The following DPP10 variants were observed in gnomAD, a reference collection of about 807,000 sequenced individuals.
The protein encoded by DPP10 is inactive dipeptidyl peptidase 10.
DPP10 carries 33 observed loss-of-function variants against 120.9 expected under a neutral mutation model. That is an observed-to-expected ratio of 0.27 (90% CI 0.21 to 0.37). DPP10 has a LOEUF of 0.37. DPP10 is among the 10% of genes least tolerant of loss of function. The probability of loss-of-function intolerance (pLI) is 1.00; values close to 1 mark genes in which losing one functional copy is unlikely to be tolerated. For synonymous variants in DPP10, 337 were observed against 326.1 expected, an observed-to-expected ratio of 1.03 and a Z score of -0.36; for missense variants, 816 against 942.8, an observed-to-expected ratio of 0.87 and a Z score of 1.76.
chr2:115,041,926 G>A (rs1473173926), intron 1 of DPP10, among the ~76,000 whole-genome samples: 1 of 151,416 alleles, frequency 6.6e-6, no homozygotes, highest in African/African-American at 2.4e-5. Flanking sequence ...CCATTCTGTT[G>A]GTTGTTGGTT....
chr2:115,833,105 G>A (rs1424314006), intron 21 of DPP10, among the ~76,000 whole-genome samples: 1 of 152,046 alleles, frequency 6.6e-6, no homozygotes, highest in African/African-American at 2.4e-5. Context: ...CTGATTCCTA[G>A]AGATAATCAG....
intron 1 of DPP10, among the ~76,000 whole-genome samples, chr2:114,548,738 C>T (rs2104854261): frequency 6.6e-6 from 1 of 152,282 alleles, no homozygotes; most frequent in East Asian, 1.9e-4. Flanking sequence ...GGGCAGTAAC[C>T]TCCAACAGGT....
chr2:114,832,137 C>T (rs1687190744), intron 1 of DPP10, among the ~76,000 whole-genome samples: 1 of 152,034 alleles, frequency 6.6e-6, no homozygotes, highest in Non-Finnish European at 1.5e-5. Flanking sequence ...CATAAAATAT[C>T]TTGAAATAAC....
At chr2:114,542,251 T>A (rs529536045) in intron 1 of DPP10, among the ~76,000 whole-genome samples, 1 of 152,134 alleles carries the variant, frequency 6.6e-6, no homozygotes, top group African/African-American at 2.4e-5. Context: ...TTTCACCATG[T>A]TGGCCAGGCT....
intron 1 of DPP10, among the ~76,000 whole-genome samples, chr2:115,102,792 G>T (rs1242128231): frequency 6.7e-6 from 1 of 150,274 alleles, no homozygotes; most frequent in African/African-American, 2.4e-5. Flanking sequence ...TTTTGCAGCC[G>T]CAGCCACCAT....
chr2:115,778,473 CCTCA>C (rs1682387579), intron 15 of DPP10, among the ~76,000 whole-genome samples: 2 of 152,094 alleles, frequency 1.3e-5, no homozygotes, highest in Non-Finnish European at 2.9e-5. Flanking sequence ...TAAAATGTCT[CCTCA>C]CTCAGAGAGC....
At chr2:115,539,280 T>C (rs1047474077) in intron 5 of DPP10, among the ~76,000 whole-genome samples, 13 of 152,088 alleles carry the variant, frequency 8.5e-5, no homozygotes, top group African/African-American at 2.9e-4. Flanking sequence ...TGGAGGGCTA[T>C]CACAGAGAAA....
chr2:115,361,916 C>T (rs2064794957), intron 3 of DPP10, among the ~76,000 whole-genome samples: 1 of 151,850 alleles, frequency 6.6e-6, no homozygotes, highest in African/African-American at 2.4e-5. Context: ...GCTATGTTGG[C>T]CCCCCAACTC....
In DPP10 at chr2:114,748,357, T is replaced by TTTTA. The variant is rs1170805781; in HGVS notation, c.60+305523_60+305526dup. 5.4e-3 allele frequency among the ~76,000 whole-genome samples: 679 copies of TTTTA among 126,578 alleles called. 19 individuals are homozygous for TTTTA. The highest frequency in any genetic ancestry group is 0.016 in the Middle Eastern group (4 of 258). The allele number at this position is 126,578 out of a possible 152,430, so 83.0% of individuals were successfully genotyped here. ...AATTTTCTTTTTTTTTTTTATTTTT[T>TTTTA]TTTATTTTATTTATTTATTTATTTA... On this transcript the variant is annotated intron_variant, in intron 1 of 25. Coordinates refer to ENST00000410059, the MANE Select transcript of DPP10 (RefSeq NM_020868.6).
At chr2:115,090,354 T>C (rs1231753272) in intron 1 of DPP10, among the ~76,000 whole-genome samples, 2 of 152,046 alleles carry the variant, frequency 1.3e-5, no homozygotes, top group Non-Finnish European at 2.9e-5. Flanking sequence ...CCTCTCTTAA[T>C]GGGGTGGGAA....
chr2:114,591,344 A>T (rs369868336), intron 1 of DPP10, among the ~76,000 whole-genome samples: 2 of 152,176 alleles, frequency 1.3e-5, no homozygotes, highest in African/African-American at 4.8e-5. Context: ...ACAGTAGTAA[A>T]GCAAAGTCAT....
intron 2 of DPP10, among the ~76,000 whole-genome samples, chr2:115,334,742 G>A (rs2063016758): frequency 6.6e-6 from 1 of 151,918 alleles, no homozygotes; most frequent in Admixed American, 6.6e-5. Context: ...TGAATAATGT[G>A]AAGGTGCTTT....
At chr2:115,395,255 T>C (rs1456307163) in intron 3 of DPP10, among the ~76,000 whole-genome samples, 1 of 152,240 alleles carries the variant, frequency 6.6e-6, no homozygotes, top group Non-Finnish European at 1.5e-5. Context: ...TCCGTGCATG[T>C]GCACCCCAGT....
At chr2:114,838,770 G>T (rs1374734543) in intron 1 of DPP10, among the ~76,000 whole-genome samples, 3 of 152,096 alleles carry the variant, frequency 2.0e-5, no homozygotes, top group African/African-American at 7.2e-5. Flanking sequence ...GATCACTGCA[G>T]ATTTCTCCTT....
At chr2:114,987,711 T>C (rs1250366712) in intron 1 of DPP10, among the ~76,000 whole-genome samples, 1 of 152,012 alleles carries the variant, frequency 6.6e-6, no homozygotes, top group Non-Finnish European at 1.5e-5. Context: ...TTCATTTCGC[T>C]CACGTGAAAA....
intron 1 of DPP10, among the ~76,000 whole-genome samples, chr2:114,445,532 C>CTGTGTGTG (rs1558766322): frequency 8.6e-6 from 1 of 116,034 alleles, no homozygotes; most frequent in African/African-American, 3.3e-5. Flanking sequence ...GGAAAAACAG[C>CTGTGTGTG]TCTGTGTGTG....
At chr2:115,631,943 T>C (rs757987980) in intron 5 of DPP10, among the ~76,000 whole-genome samples, 12 of 152,196 alleles carry the variant, frequency 7.9e-5, no homozygotes, top group Non-Finnish European at 1.6e-4. Flanking sequence ...GCTGCAGAAC[T>C]GAGTTCAAGT....
At chr2:115,630,904 G>T (rs1276662336) in intron 5 of DPP10, among the ~76,000 whole-genome samples, 2 of 152,148 alleles carry the variant, frequency 1.3e-5, no homozygotes, top group African/African-American at 2.4e-5. Flanking sequence ...GTATCAGGAT[G>T]ATGCTGGCTG....
At chr2:115,389,151 A>G (rs962096335) in intron 3 of DPP10, among the ~76,000 whole-genome samples, 1 of 152,122 alleles carries the variant, frequency 6.6e-6, no homozygotes, top group African/African-American at 2.4e-5. Context: ...TGATTCCTTG[A>G]CTCCTATAAG....
Sources: gnomAD v4.1 joint callset for allele counts (sites outside exome capture counted in the v4.1 genomes callset) on GRCh38, gnomAD v4.1.1 for gene constraint, MANE v1.5 for transcripts, NCBI Gene and HGNC (gene_info 2026-07-23, HGNC 2026-07-21) for gene names.